The following ELP6 variants were observed in gnomAD, a reference collection of about 807,000 sequenced individuals.
The protein encoded by ELP6 is elongator complex protein 6.
A neutral mutation model predicts 28.1 loss-of-function variants in ELP6; 23 were observed. The observed-to-expected ratio is 0.82, with a 90% CI of 0.59 to 1.16. The LOEUF is 1.16. Ranked by LOEUF, ELP6 falls within the 50% of genes most tolerant of loss-of-function variation. The probability of loss-of-function intolerance (pLI) is 0.00; values close to 1 mark genes in which losing one functional copy is unlikely to be tolerated. For missense variants in ELP6, 313 were observed against 334.6 expected (o/e 0.94, Z 0.50); for synonymous variants, 132 against 135.8 (o/e 0.97, Z 0.19).
At chr3:47,512,135 C>A in intron 1 of ELP6, 1 of 914,124 alleles carries the variant, frequency 1.1e-6, no homozygotes, top group Non-Finnish European at 1.3e-6. Flanking sequence ...CCACAAGGAT[C>A]TACTGAAAGC....
At chr3:47,510,108 G>A (rs1708971347) in intron 3 of ELP6, 76 bp downstream of exon 3, 5 of 1,226,024 alleles carry the variant, frequency 4.1e-6, no homozygotes, top group African/African-American at 3.0e-5. Context: ...AATGCAAACA[G>A]GAAAGCCAAG....
intron 3 of ELP6, among the ~76,000 whole-genome samples, chr3:47,509,771 TTC>T (rs1453395233): frequency 3.3e-5 from 5 of 151,770 alleles, no homozygotes; most frequent in African/African-American, 4.8e-5. Context: ...ATCCCAAGAT[TTC>T]TTTTTTTTTT....
chr3:47,505,175 G>C (rs1708791211), intron 3 of ELP6, among the ~76,000 whole-genome samples: 1 of 152,050 alleles, frequency 6.6e-6, no homozygotes, highest in Non-Finnish European at 1.5e-5. Context: ...ACTGAGGCAG[G>C]AGAATTGCTT....
rs561546915 is a variant in ELP6, at chr3:47,513,628, G to T, written c.-38C>A. On this transcript the variant is annotated 5_prime_UTR_variant, in exon 1 of 7. Transcript: ENST00000296149. The stretch of plus-strand genomic sequence containing the variant: ...GGACTAGCGCTCTGGAGGAGAACCC[G>T]GAGTGCTGCAGAGACGACGGAGGCT... 1.2e-6 allele frequency: 2 copies of T among 1,612,312 alleles called. No individual in the cohort carries two copies. Among genetic ancestry groups the T allele is most frequent in the South Asian group, 2.2e-5 (2 of 90,846 alleles).
chr3:47,499,517 T>C (rs1283090996), intron 5 of ELP6, among the ~76,000 whole-genome samples: 3 of 18,380 alleles, frequency 1.6e-4, no homozygotes, highest in Non-Finnish European at 4.1e-4. Context: ...AGAGTCCATC[T>C]CAAAAAAAAA....
At chr3:47,506,473 A>G (rs955272265) in intron 3 of ELP6, among the ~76,000 whole-genome samples, 1 of 152,138 alleles carries the variant, frequency 6.6e-6, no homozygotes, top group Non-Finnish European at 1.5e-5. Context: ...GGCCATGCCC[A>G]GGGGGGCCAG....
At position 47,504,432 on chromosome 3, in the gene ELP6, A is replaced by G. The variant is rs1397110017; in HGVS notation, c.221T>C (p.Met74Thr). Reference sequence around the variant, plus strand: ...CACAAGCTGCCCACGCTCCCGCGCCATGGTCAGGCTGACACCCTAAACATG... The same window carrying G: ...CACAAGCTGCCCACGCTCCCGCGCCGTGGTCAGGCTGACACCCTAAACATG... ...VGQKLGVSLTMARERGQLVFL... is the reference protein window; with the variant it reads ...VGQKLGVSLTTARERGQLVFL... Residue 74 changes from methionine to threonine, a missense_variant, in exon 4 of 7, where the codon ATG becomes ACG. By Grantham distance (81) the Met-to-Thr change is moderately conservative. Coordinates refer to ENST00000296149, the MANE Select transcript of ELP6 (RefSeq NM_001031703.3). 6.2e-7 allele frequency: 1 copy of G among 1,608,486 alleles called. No individual in the cohort carries two copies. Among genetic ancestry groups the G allele is most frequent in the Admixed American group, 1.7e-5 (1 of 59,450 alleles).
At position 47,504,356 on chromosome 3, in the gene ELP6, C is replaced by CTT; in HGVS notation, c.295_296dup (p.Glu100ArgfsTer17). On this transcript the variant is annotated frameshift_variant, in exon 4 of 7. Transcript: ENST00000296149. LOFTEE classifies it high-confidence loss of function. ...TGAGAAACTGCAGGGGGTGTGGCTC[C>CTT]TTTTGAGCCTGGAAGACGACGTCCA... The CTT allele has an allele frequency of 6.2e-7, 1 of 1,610,462 alleles. No individual in the cohort carries two copies. Among genetic ancestry groups the CTT allele is most frequent in the Non-Finnish European group, 8.5e-7 (1 of 1,178,066 alleles).
chr3:47,503,872 C>T (rs964135687), intron 4 of ELP6, among the ~76,000 whole-genome samples: 10 of 152,006 alleles, frequency 6.6e-5, no homozygotes, highest in African/African-American at 2.4e-4. Flanking sequence ...GCCTGGGTGA[C>T]AGAGCGAGAC....
chr3:47,508,198 G>T (rs948555880), intron 3 of ELP6, among the ~76,000 whole-genome samples: 1 of 152,208 alleles, frequency 6.6e-6, no homozygotes, highest in Non-Finnish European at 1.5e-5. Context: ...CAGTGACTTG[G>T]TCCAATAGTA....
At chr3:47,504,527 T>C (rs1708770493) in intron 3 of ELP6, 79 bp from the exon 4 acceptor site, 1 of 1,462,850 alleles carries the variant, frequency 6.8e-7, no homozygotes. Flanking sequence ...CAAGAGGGCA[T>C]AAGACACCTT....
intron 6 of ELP6, 176 bp downstream of exon 6, chr3:47,498,110 G>A: frequency 7.4e-7 from 1 of 1,359,662 alleles, no homozygotes; most frequent in Non-Finnish European, 9.8e-7. Flanking sequence ...TGGTCCATGA[G>A]GCTAAGCGCA....
chr3:47,497,652 C>T (rs917899682), intron 6 of ELP6, among the ~76,000 whole-genome samples: 2 of 150,048 alleles, frequency 1.3e-5, no homozygotes, highest in African/African-American at 2.4e-5. Flanking sequence ...AGGCTGGGCA[C>T]GGTGGCTCAC....
At chr3:47,499,065 A>T (rs902457295) in intron 5 of ELP6, among the ~76,000 whole-genome samples, 17 of 152,248 alleles carry the variant, frequency 1.1e-4, no homozygotes, top group Admixed American at 1.1e-3. Context: ...TTTCAAAGGA[A>T]TACTGTTCAG....
Position 47,495,911 on chromosome 3 carries a change from G to A in ELP6, c.*158C>T. The A allele has an allele frequency of 7.8e-7, 1 of 1,278,444 alleles. No homozygotes were observed. Among genetic ancestry groups the A allele is most frequent in the Non-Finnish European group, 1.1e-6 (1 of 939,568 alleles). 79.2% of individuals were successfully genotyped at this position (1,278,444 alleles called of 1,614,324 possible). On this transcript the variant is annotated 3_prime_UTR_variant, in exon 7 of 7. Coordinates refer to ENST00000296149, the MANE Select transcript of ELP6 (RefSeq NM_001031703.3). ...CTGAACAGGGCCCAGGGCAGCCAAGGCATGCCATCACTGCAGCACTCAACC... is the reference window on the plus strand; with the variant it reads ...CTGAACAGGGCCCAGGGCAGCCAAGACATGCCATCACTGCAGCACTCAACC...
Position 47,498,389 on chromosome 3 carries a change from T to G in ELP6, c.569A>C (p.Asp190Ala). The change falls in exon 6 of 7, where the codon GAT (aspartate) becomes GCT (alanine). Residue 190 changes from aspartate to alanine, a missense_variant. Transcript: ENST00000296149. ...VLVHDSGDAE[D>A]EENDILLNGL... ...ATTCAGCAGGATGTCATTCTCCTCA[T>G]CCTCCGCATCTCCACTGTCGTGCAC... 1 of 1,613,560 alleles carries G rather than the reference T, an allele frequency of 6.2e-7. No homozygotes were observed.
At chr3:47,496,281 C>T in intron 6 of ELP6, 84 bp from the exon 7 acceptor site, 1 of 1,514,666 alleles carries the variant, frequency 6.6e-7, no homozygotes, top group Non-Finnish European at 8.8e-7. Context: ...TCTCTGTGCC[C>T]TTCAGCTGAG....
chr3:47,498,106 A>T, intron 6 of ELP6, 180 bp downstream of exon 6: 1 of 1,368,650 alleles, frequency 7.3e-7, no homozygotes, highest in East Asian at 2.5e-5. Flanking sequence ...GGGCTGGTCC[A>T]TGAGGCTAAG....
chr3:47,512,663 C>T (rs1267452374), intron 1 of ELP6: 1 of 985,328 alleles, frequency 1.0e-6, no homozygotes, highest in Non-Finnish European at 1.2e-6. Context: ...GTGGAGAGAA[C>T]AGGCCAGCCT....
Sources: gnomAD v4.1 joint callset for allele counts (sites outside exome capture counted in the v4.1 genomes callset) on GRCh38, gnomAD v4.1.1 for gene constraint, MANE v1.5 for transcripts, NCBI Gene and HGNC (gene_info 2026-07-23, HGNC 2026-07-21) for gene names.